RFC5: variants seen among roughly 807,000 people sequenced by gnomAD.
RFC5 encodes A1 36 kDa subunit.
In RFC5, 26 loss-of-function variants were observed where a neutral mutation model predicts 44.3. The ratio of observed to expected loss-of-function variants is 0.59; its 90% CI spans 0.43 to 0.81. The LOEUF is 0.81. Ranked by LOEUF, RFC5 falls within the 40% of genes least tolerant of loss-of-function variation. The probability of loss-of-function intolerance (pLI) is 0.00; values close to 1 mark genes in which losing one functional copy is unlikely to be tolerated. For missense variants in RFC5, 328 were observed against 418.6 expected, an observed-to-expected ratio of 0.78 and a Z score of 1.89; for synonymous variants, 155 against 155.2, an observed-to-expected ratio of 1.00 and a Z score of 0.01.
chr12:118,039,346 T>G, the RFC5 span, among the ~76,000 whole-genome samples: 37 of 152,330 alleles, frequency 2.4e-4, no homozygotes, highest in African/African-American at 8.9e-4. Flanking sequence ...TGGTGGTATA[T>G]CTACCCCATT....
chr12:118,026,438 A>G (rs1044288086), intron 7 of RFC5, among the ~76,000 whole-genome samples: 1 of 152,106 alleles, frequency 6.6e-6, no homozygotes, highest in African/African-American at 2.4e-5. Flanking sequence ...CTCTGTCTCC[A>G]CTAAAAAATC....
At chr12:118,017,895 T>C (rs2030206532) in intron 1 of RFC5, 3 of 669,468 alleles carry the variant, frequency 4.5e-6, no homozygotes, top group East Asian at 5.4e-5. Flanking sequence ...TGCAGTGTAC[T>C]GTTGTGGAGT....
chr12:118,024,711 GC>G (rs2030813196), intron 5 of RFC5, 139 bp from the exon 6 acceptor site: 1 of 700,574 alleles, frequency 1.4e-6, no homozygotes, highest in Admixed American at 2.5e-5. Flanking sequence ...AAGCCACTAC[GC>G]CCGGCCAACA....
chr12:118,029,911 GTT>G, intron 10 of RFC5, 86 bp downstream of exon 10: 1 of 1,029,296 alleles, frequency 9.7e-7, no homozygotes, highest in South Asian at 1.3e-5. Flanking sequence ...TTGGTTTCAG[GTT>G]TTTTTCCTAA....
chr12:118,039,677 T>A, the RFC5 span, among the ~76,000 whole-genome samples: 1 of 152,116 alleles, frequency 6.6e-6, no homozygotes, highest in Non-Finnish European at 1.5e-5. Context: ...CTGTACATGG[T>A]CATATATATG....
downstream of RFC5, among the ~76,000 whole-genome samples, chr12:118,036,939 T>C (rs900613658): frequency 2.6e-5 from 4 of 152,186 alleles, no homozygotes; most frequent in African/African-American, 9.7e-5. Flanking sequence ...CTCAGCACTT[T>C]GGGTGGCTGA....
At position 118,025,027 on chromosome 12, in the gene RFC5, C is replaced by T. The variant is rs1275992367; in HGVS notation, c.581+17C>T. ...AGAAGAGAAGTGAGTATTTTGCGGG[C>T]CTTTGGGGATGGAGTGTAGTAGAAA... On this transcript the variant is annotated intron_variant, in intron 6 of 10. Coordinates refer to ENST00000454402, the MANE Select transcript of RFC5 (RefSeq NM_007370.7). 4 of 1,609,740 alleles carry T rather than the reference C, an allele frequency of 2.5e-6. No individual in the cohort carries two copies. The Admixed American group carries it at 5.0e-5, about 20-fold the overall frequency.
intron 1 of RFC5, among the ~76,000 whole-genome samples, chr12:118,017,319 A>G (rs900853068): frequency 2.6e-5 from 4 of 152,232 alleles, no homozygotes; most frequent in Non-Finnish European, 5.9e-5. Flanking sequence ...ATATTATTAG[A>G]TTAGCAGACG....
downstream of RFC5, chr12:118,034,252 G>A (rs775233620): frequency 6.2e-7 from 1 of 1,614,212 alleles, no homozygotes; most frequent in Non-Finnish European, 8.5e-7. Context: ...GGCAGTGCTA[G>A]GACTTGGTAA....
chr12:118,023,010 G>T (rs1355385400), intron 5 of RFC5, among the ~76,000 whole-genome samples: 1 of 152,166 alleles, frequency 6.6e-6, no homozygotes, highest in Non-Finnish European at 1.5e-5. Context: ...CAATTTCAGA[G>T]TTGGGAATTC....
At chr12:118,038,885 T>C in the RFC5 span, among the ~76,000 whole-genome samples, 1 of 152,154 alleles carries the variant, frequency 6.6e-6, no homozygotes, top group Non-Finnish European at 1.5e-5. Context: ...TTCACCATAT[T>C]GGCCAGGCTG....
At position 118,024,919 on chromosome 12, in the gene RFC5, G is replaced by T; in HGVS notation, c.490G>T (p.Ala164Ser). The change falls in exon 6 of 11, where the codon GCC becomes TCC. Residue 164 changes from alanine (A) to serine (S), a missense_variant. Ala to Ser is a moderately conservative substitution (Grantham distance 99). Transcript: ENST00000454402. ...TAACTATCTGTCAAAGATCATCCCT[G>T]CCTTGCAGTCCCGCTGCACGAGGTT... ...ICNYLSKIIP[A>S]LQSRCTRFRF... 2 of 1,613,966 alleles carry T rather than the reference G, an allele frequency of 1.2e-6. No individual in the cohort carries two copies. The highest frequency in any genetic ancestry group is 2.2e-5 in the South Asian group (2 of 91,074).
At chr12:118,023,419 GGAGGGGAGGAA>G (rs1304097616) in intron 5 of RFC5, among the ~76,000 whole-genome samples, 17 of 30,422 alleles carry the variant, frequency 5.6e-4, no homozygotes, top group East Asian at 3.1e-3. Context: ...GGAGGGGGGA[GGAGGGGAGGAA>G]GAGGAGGGGG....
intron 1 of RFC5, among the ~76,000 whole-genome samples, chr12:118,017,399 A>G (rs576420517): frequency 1.2e-4 from 18 of 152,326 alleles, no homozygotes; most frequent in African/African-American, 4.1e-4. Flanking sequence ...ACACAGGAGG[A>G]AACTGCATTT....
At chr12:118,036,127 G>A (rs912005602), downstream of RFC5, 30 of 451,406 alleles carry the variant, frequency 6.6e-5, no homozygotes, top group Middle Eastern at 1.4e-3. Context: ...GCTTGAACCC[G>A]GGAGGTGGAG....
At chr12:118,028,495 C>CA (rs1555266417) in intron 9 of RFC5, among the ~76,000 whole-genome samples, 14 of 137,142 alleles carry the variant, frequency 1.0e-4, no homozygotes, top group African/African-American at 4.2e-4. Context: ...AAAAAAAAAA[C>CA]AAAACAAAAC....
Position 118,019,079 on chromosome 12 carries a change from A to G in RFC5, c.73A>G (p.Lys25Glu), listed in dbSNP as rs200561390. The G allele has an allele frequency of 2.9e-5, 46 of 1,609,368 alleles. No homozygotes were observed. The highest frequency in any genetic ancestry group is 3.9e-5 in the Non-Finnish European group (46 of 1,175,686). The stretch of plus-strand genomic sequence containing the variant: ...TACTAAATTGTATTTCAGGGTTGAA[A>G]AATACCGGCCACAGACCCTGAATGA... ...TKIRNLPWVE[K>E]YRPQTLNDLI... The change falls in exon 2 of 11, where the codon AAA (lysine) becomes GAA (glutamate). Residue 25 changes from lysine (K) to glutamate (E), a missense_variant. By Grantham distance (56) the Lys-to-Glu change is moderately conservative. Transcript: ENST00000454402. This position sits in a 1 kb window ranked among gnomAD's most constrained non-coding sequence, Gnocchi z 4.2.
chr12:118,020,974 G>A lies in RFC5; in HGVS notation c.336G>A (p.Arg112=). The A allele has an allele frequency of 3.1e-6, 5 of 1,601,386 alleles. No homozygotes were observed. In the Middle Eastern group the frequency reaches 5.0e-4, roughly 159 times the overall value. ...CGATCCTGAGCTTTGCTAGCACAAG[G>A]ACAATATTTAAGTAAGAATTATTTG... The part of the protein sequence containing the change: ...RGPILSFAST[R]TIFKKGFKLV... Residue 112 remains arginine (R), a synonymous_variant, in exon 4 of 11, where the codon AGG becomes AGA. Coordinates refer to ENST00000454402, the MANE Select transcript of RFC5 (RefSeq NM_007370.7).
downstream of RFC5, chr12:118,032,644 CCT>C (rs1387857189): frequency 6.6e-6 from 1 of 152,114 alleles, no homozygotes; most frequent in African/African-American, 2.4e-5. Context: ...TCCTCAGCCC[CCT>C]GAGTAGCTGG....
Sources: gnomAD v4.1 joint callset for allele counts (sites outside exome capture counted in the v4.1 genomes callset) on GRCh38, gnomAD v4.1.1 for gene constraint, Gnocchi (gnomAD v3.1) non-coding constraint, MANE v1.5 for transcripts, NCBI Gene and HGNC (gene_info 2026-07-23, HGNC 2026-07-21) for gene names.